The following GABRA5 variants were observed in gnomAD, a reference collection of about 807,000 sequenced individuals.
GABRA5 encodes the protein gamma-aminobutyric acid type A receptor subunit alpha5, also known as gamma-aminobutyric acid receptor subunit alpha-5.
In GABRA5, 18 loss-of-function variants were observed where a neutral mutation model predicts 47.3. That is an observed-to-expected ratio of 0.38 (90% CI 0.26 to 0.56). The LOEUF (loss-of-function observed/expected upper bound fraction) is 0.56. GABRA5 is among the 20% of genes least tolerant of loss of function. The probability of loss-of-function intolerance (pLI) is 0.71; values close to 1 mark genes in which losing one functional copy is unlikely to be tolerated. For synonymous variants in GABRA5, 237 were observed against 229.3 expected (o/e 1.03, Z -0.30); for missense variants, 365 against 599.3 (o/e 0.61, Z 4.08).
intron 3 of GABRA5, chr15:26,880,458 T>C (rs142546699): frequency 6.8e-4 from 110 of 160,948 alleles, no homozygotes; most frequent in South Asian, 5.7e-3. Flanking sequence ...ACTCTAGCAA[T>C]ATGAGAACTC....
At chr15:26,929,373 G>C (rs151143454) in intron 7 of GABRA5, among the ~76,000 whole-genome samples, 1 of 152,180 alleles carries the variant, frequency 6.6e-6, no homozygotes, top group Non-Finnish European at 1.5e-5. Context: ...AGACCTTAAA[G>C]CTTCAGATTA....
chr15:26,908,672 A>G (rs1893504851), intron 6 of GABRA5, among the ~76,000 whole-genome samples: 1 of 152,204 alleles, frequency 6.6e-6, no homozygotes, highest in African/African-American at 2.4e-5. Flanking sequence ...TTGATACTGA[A>G]TTTCAAGGGT....
chr15:26,915,887 T>C (rs557531322), intron 7 of GABRA5, among the ~76,000 whole-genome samples: 25 of 152,298 alleles, frequency 1.6e-4, no homozygotes, highest in African/African-American at 6.0e-4. Flanking sequence ...AGGGCTGTTA[T>C]AATATGTTTG....
At chr15:26,880,689 C>A in intron 3 of GABRA5, 157 bp from the exon 4 acceptor site, 1 of 641,594 alleles carries the variant, frequency 1.6e-6, no homozygotes, top group Non-Finnish European at 2.6e-6. Context: ...TGAGGTGTAT[C>A]AAGGCCAAAC....
chr15:26,869,430 G>A (rs1892408616), intron 3 of GABRA5, 96 bp downstream of exon 3: 2 of 777,720 alleles, frequency 2.6e-6, no homozygotes, highest in South Asian at 1.4e-5. Context: ...GCAAGTCCTC[G>A]CCTGCCACCA....
chr15:26,883,276 G>A lies in GABRA5; in HGVS notation c.276+43G>A. 3 of 1,611,274 alleles carry A rather than the reference G, an allele frequency of 1.9e-6. No individual in the cohort carries two copies. The highest frequency in any genetic ancestry group is 3.3e-5 in the Admixed American group (2 of 60,026). On this transcript the variant is annotated intron_variant, in intron 5 of 10. Transcript: ENST00000335625. The surrounding 1 kb of genome is among the most constrained non-coding windows in gnomAD (Gnocchi z 4.8). ...GCTGGGCAGACAATTCTTACTCCGC[G>A]CCGCAGGCCCCCGCCCAGGCCCCGT...
At chr15:26,942,990 A>C (rs1305286149) in intron 9 of GABRA5, among the ~76,000 whole-genome samples, 2 of 152,188 alleles carry the variant, frequency 1.3e-5, no homozygotes, top group Non-Finnish European at 2.9e-5. Flanking sequence ...CAGCTGAGGC[A>C]CAAGAATCGC....
chr15:26,921,301 A>G (rs1185811593), intron 7 of GABRA5, among the ~76,000 whole-genome samples: 1 of 152,194 alleles, frequency 6.6e-6, no homozygotes. Flanking sequence ...CTTAGTATTT[A>G]AGACTATTTG....
At chr15:26,908,829 TC>T (rs1893510241) in intron 6 of GABRA5, among the ~76,000 whole-genome samples, 1 of 152,240 alleles carries the variant, frequency 6.6e-6, no homozygotes. Flanking sequence ...TATTTCATTA[TC>T]AAAGTCTGAA....
At chr15:26,932,676 T>C (rs1379894403) in intron 7 of GABRA5, among the ~76,000 whole-genome samples, 2 of 152,266 alleles carry the variant, frequency 1.3e-5, no homozygotes, top group East Asian at 3.9e-4. Flanking sequence ...CATATGTTCA[T>C]TGCACCATTC....
In GABRA5 at chr15:26,883,047, C is replaced by T; in HGVS notation, c.209-119C>T. The T allele has an allele frequency of 2.5e-6, 2 of 790,722 alleles. No individual in the cohort carries two copies. The allele number at this position is 790,722 out of a possible 1,614,324, so 49.0% of individuals were successfully genotyped here. A position where few individuals can be genotyped will look rare whatever the true frequency, so the allele number is the denominator to read the frequency against. On this transcript the variant is annotated intron_variant, in intron 4 of 10. Transcript: ENST00000335625. The surrounding 1 kb of genome is among the most constrained non-coding windows in gnomAD (Gnocchi z 4.8). The stretch of plus-strand genomic sequence containing the variant: ...TGTCAAGTCCTCCAAATTTACCAAA[C>T]GCACTGCAAAAGCCCCCGGTTGCAG...
intron 3 of GABRA5, among the ~76,000 whole-genome samples, chr15:26,871,643 T>TC (rs1233092152): frequency 1.3e-5 from 2 of 152,158 alleles, no homozygotes; most frequent in African/African-American, 4.8e-5. Context: ...TGCACTGACT[T>TC]CCCCTTGCTT....
intron 7 of GABRA5, among the ~76,000 whole-genome samples, chr15:26,936,479 G>A (rs2140579352): frequency 6.6e-6 from 1 of 152,316 alleles, no homozygotes; most frequent in South Asian, 2.1e-4. Context: ...GAAGTTCTCT[G>A]TTTTTAAGGA....
At chr15:26,903,834 G>A (rs564946147) in intron 6 of GABRA5, among the ~76,000 whole-genome samples, 93 of 151,674 alleles carry the variant, frequency 6.1e-4, no homozygotes, top group Non-Finnish European at 1.0e-3. Flanking sequence ...GTTTGTTTAA[G>A]TTCCTTATAG....
At chr15:26,876,334 G>A (rs1034629414) in intron 3 of GABRA5, among the ~76,000 whole-genome samples, 1 of 152,152 alleles carries the variant, frequency 6.6e-6, no homozygotes, top group Non-Finnish European at 1.5e-5. Context: ...GTTTGGATGA[G>A]ACAGTCGGAG....
chr15:26,904,996 C>T (rs1469452916), intron 6 of GABRA5, among the ~76,000 whole-genome samples: 5 of 151,930 alleles, frequency 3.3e-5, no homozygotes, highest in East Asian at 1.9e-4. Context: ...AGTACTATAT[C>T]GAATAGGAGT....
At chr15:26,943,542 T>C (rs571292803) in intron 10 of GABRA5, 116 bp downstream of exon 10, 2 of 906,236 alleles carry the variant, frequency 2.2e-6, no homozygotes, top group African/African-American at 1.7e-5. Context: ...CCCCGAATGC[T>C]CCTTTCCTCA....
intron 7 of GABRA5, among the ~76,000 whole-genome samples, chr15:26,925,134 G>A (rs536216851): frequency 9.2e-5 from 14 of 151,948 alleles, no homozygotes; most frequent in Non-Finnish European, 1.3e-4. Context: ...ACTTCTTGTG[G>A]TTTTCTGAGC....
At chr15:26,870,392 G>C (rs539453082) in intron 3 of GABRA5, among the ~76,000 whole-genome samples, 22 of 152,300 alleles carry the variant, frequency 1.4e-4, no homozygotes, top group Middle Eastern at 3.4e-3. Context: ...AGACAGCATT[G>C]GGACTTTAGT....
Sources: allele counts gnomAD v4.1 joint callset (sites outside exome capture counted in the v4.1 genomes callset), GRCh38; gene constraint gnomAD v4.1.1; non-coding constraint Gnocchi (gnomAD v3.1); transcripts MANE v1.5; gene names NCBI Gene and HGNC (gene_info 2026-07-23, HGNC 2026-07-21).